Variants in AGMO observed in about 807,000 individuals in gnomAD.
AGMO encodes alkylglycerol monooxygenase.
AGMO carries 75 observed loss-of-function variants against 60.2 expected under a neutral mutation model. The observed-to-expected ratio is 1.25, with a 90% CI of 1.03 to 1.51. The LOEUF is 1.51. Among genes scored for constraint, AGMO ranks in the 40% most tolerant of loss-of-function variants. The probability of loss-of-function intolerance (pLI) is 0.00; values close to 1 mark genes in which losing one functional copy is unlikely to be tolerated. For synonymous variants in AGMO, 261 were observed against 177.1 expected (o/e 1.47, Z -3.76); for missense variants, 763 against 525.5 (o/e 1.45, Z -4.42).
chr7:15,466,165 T>C (rs535242200), intron 3 of AGMO, among the ~76,000 whole-genome samples: 2 of 152,290 alleles, frequency 1.3e-5, no homozygotes, highest in East Asian at 3.9e-4. Context: ...ATGGCAGTGA[T>C]AATAGTTCAT....
At position 15,362,640 on chromosome 7, in the gene AGMO, C is replaced by G. The variant is rs570298523; in HGVS notation, c.1263+2874G>C. Among the ~76,000 whole-genome samples the G allele has an allele frequency of 3.9e-5, 6 of 152,232 alleles. No homozygotes were observed. In the East Asian group the frequency reaches 1.2e-3, roughly 29 times the overall value. ...CTTGAAGAACTGGCCGTGCATGTGC[C>G]CAGATGGACAGAAGCAGTTTCTGGA... On this transcript the variant is annotated intron_variant, in intron 12 of 12. Transcript: ENST00000342526.
At chr7:15,395,484 T>C (rs1295056178) in intron 5 of AGMO, among the ~76,000 whole-genome samples, 3 of 152,252 alleles carry the variant, frequency 2.0e-5, no homozygotes, top group East Asian at 1.9e-4. Flanking sequence ...GGAAAAAATA[T>C]TTTCATTGGG....
intron 12 of AGMO, among the ~76,000 whole-genome samples, chr7:15,302,035 T>C (rs1309766432): frequency 1.3e-5 from 2 of 152,204 alleles, no homozygotes; most frequent in South Asian, 2.1e-4. Context: ...GTTAAGTGGA[T>C]ATAGTATAAT....
At chr7:15,209,117 C>G (rs764126178) in intron 12 of AGMO, among the ~76,000 whole-genome samples, 22 of 152,148 alleles carry the variant, frequency 1.4e-4, no homozygotes, top group Non-Finnish European at 3.1e-4. Flanking sequence ...CATTTCCTCC[C>G]CAATCCTGTT....
chr7:15,129,466 A>C, the AGMO span, among the ~76,000 whole-genome samples: 33 of 152,274 alleles, frequency 2.2e-4, no homozygotes, highest in African/African-American at 7.9e-4. Flanking sequence ...TGTGTGAAAA[A>C]TAAGGAAAGG....
chr7:15,274,527 T>G (rs976732563), intron 12 of AGMO, among the ~76,000 whole-genome samples: 1 of 152,152 alleles, frequency 6.6e-6, no homozygotes, highest in Non-Finnish European at 1.5e-5. Context: ...GATTGGTCTA[T>G]GTTTTTATTT....
At chr7:15,336,823 C>T (rs1251169953) in intron 12 of AGMO, among the ~76,000 whole-genome samples, 1 of 152,136 alleles carries the variant, frequency 6.6e-6, no homozygotes, top group Non-Finnish European at 1.5e-5. Flanking sequence ...TCAGGCTCTA[C>T]ATAACATATA....
intron 3 of AGMO, among the ~76,000 whole-genome samples, chr7:15,452,912 A>T: frequency 6.6e-6 from 1 of 152,240 alleles, no homozygotes; most frequent in East Asian, 1.9e-4. Flanking sequence ...ATGAAGTGAT[A>T]CATGTGCAGT....
At chr7:15,363,075 C>CT (rs1782826951) in intron 12 of AGMO, among the ~76,000 whole-genome samples, 1 of 152,088 alleles carries the variant, frequency 6.6e-6, no homozygotes, top group Non-Finnish European at 1.5e-5. Flanking sequence ...TGGAATAATA[C>CT]TAGTAAGGCA....
At position 15,327,749 on chromosome 7, in the gene AGMO, T is replaced by C. The variant is rs978053383; in HGVS notation, c.1263+37765A>G. ...ATAAACTGATTTCTTTCTTTTTTTT[T>C]TTTTTTTTTTTTTTTTGAGACAAGG... On this transcript the variant is annotated intron_variant, in intron 12 of 12. Coordinates refer to ENST00000342526, the MANE Select transcript of AGMO (RefSeq NM_001004320.2). Among the ~76,000 whole-genome samples, 110 of 138,290 alleles carry C rather than the reference T, an allele frequency of 8.0e-4. 1 individual carries two copies. Among genetic ancestry groups the C allele is most frequent in the African/African-American group, 2.7e-3 (101 of 36,852 alleles). The allele number at this position is 138,290 out of a possible 152,430, so 90.7% of individuals were successfully genotyped here.
Position 15,561,943 on chromosome 7 carries a change from GCT to G in AGMO, c.-100_-99del, listed in dbSNP as rs1785322890. On this transcript the variant is annotated 5_prime_UTR_variant, in exon 1 of 13. Transcript: ENST00000342526. ...GGACGAGATGTGCAGCTCAGAACAA[GCT>G]CTTTGTCAGAGAACAGCTAAAACCA... 3 of 1,316,106 alleles carry G rather than the reference GCT, an allele frequency of 2.3e-6. No individual in the cohort carries two copies. The African/African-American group carries it at 4.5e-5, about 20-fold the overall frequency. 81.5% of individuals were successfully genotyped at this position (1,316,106 alleles called of 1,614,324 possible).
intron 12 of AGMO, among the ~76,000 whole-genome samples, chr7:15,324,478 G>A (rs1046718672): frequency 6.6e-6 from 1 of 152,072 alleles, no homozygotes; most frequent in Admixed American, 6.6e-5. Context: ...TTATTTAGAT[G>A]TCCTGAAGTG....
intron 10 of AGMO, among the ~76,000 whole-genome samples, chr7:15,366,423 T>C (rs1426215362): frequency 6.6e-6 from 1 of 152,132 alleles, no homozygotes; most frequent in Non-Finnish European, 1.5e-5. Flanking sequence ...CTTGGAGAAT[T>C]AGACAATTCC....
At chr7:15,246,104 A>G (rs1359750436) in intron 12 of AGMO, among the ~76,000 whole-genome samples, 2 of 152,222 alleles carry the variant, frequency 1.3e-5, no homozygotes, top group Non-Finnish European at 2.9e-5. Context: ...CTCTTTTACT[A>G]AAGATAAAGA....
At chr7:15,320,946 T>C (rs993719209) in intron 12 of AGMO, among the ~76,000 whole-genome samples, 1 of 152,148 alleles carries the variant, frequency 6.6e-6, no homozygotes, top group African/African-American at 2.4e-5. Context: ...TTTCAGCAAA[T>C]TGTCTGAAAT....
At chr7:15,179,850 T>A in the AGMO span, among the ~76,000 whole-genome samples, 1 of 152,300 alleles carries the variant, frequency 6.6e-6, no homozygotes, top group Non-Finnish European at 1.5e-5. Context: ...GACACTGCCA[T>A]GGCTTTTACC....
Position 15,331,523 on chromosome 7 carries a change from G to A in AGMO, c.1263+33991C>T, listed in dbSNP as rs1563091752. ...GGGGTAGAAGCCCTGTGTGAAAACA[G>A]GCTGTGTTCCTGTAAAGATTTTTGC... is the stretch of plus-strand genomic sequence containing the variant. On this transcript the variant is annotated intron_variant, in intron 12 of 12. Coordinates refer to ENST00000342526, the MANE Select transcript of AGMO (RefSeq NM_001004320.2). Among the ~76,000 whole-genome samples, 7 of 152,152 alleles carry A rather than the reference G, an allele frequency of 4.6e-5. No individual in the cohort carries two copies. The South Asian group carries it at 1.4e-3, about 32-fold the overall frequency.
At chr7:15,481,840 A>T (rs1782760694) in intron 3 of AGMO, among the ~76,000 whole-genome samples, 1 of 140,598 alleles carries the variant, frequency 7.1e-6, no homozygotes, top group Non-Finnish European at 1.5e-5. Context: ...ATTTCAAAAG[A>T]TGGAAATAGC....
At chr7:15,318,355 A>G (rs1475020366) in intron 12 of AGMO, among the ~76,000 whole-genome samples, 3 of 152,094 alleles carry the variant, frequency 2.0e-5, no homozygotes, top group Non-Finnish European at 2.9e-5. Context: ...TATGAGTTCT[A>G]TTCTGATAAA....
Sources: allele counts gnomAD v4.1 joint callset (sites outside exome capture counted in the v4.1 genomes callset), GRCh38; gene constraint gnomAD v4.1.1; transcripts MANE v1.5; gene names NCBI Gene and HGNC (gene_info 2026-07-23, HGNC 2026-07-21).